MYO15A: variants seen among roughly 807,000 people sequenced by gnomAD.
MYO15A encodes the protein myosin XVA, also known as unconventional myosin-XV.
A neutral mutation model predicts 394.6 loss-of-function variants in MYO15A; 308 were observed. That is an observed-to-expected ratio of 0.78 (90% CI 0.71 to 0.86). MYO15A has a LOEUF of 0.86. MYO15A is among the 40% of genes least tolerant of loss of function. The pLI is 0.00. For synonymous variants in MYO15A, 1,957 were observed against 2,003.8 expected, an observed-to-expected ratio of 0.98 and a Z score of 0.62; for missense variants, 4,606 against 4,799.1, an observed-to-expected ratio of 0.96 and a Z score of 1.19.
At chr17:18,144,689 AC>A (rs2046445371) in intron 29 of MYO15A, 97 bp downstream of exon 29, 3 of 1,146,226 alleles carry the variant, frequency 2.6e-6, no homozygotes, top group Non-Finnish European at 3.9e-6. Context: ...CCCAAGCCCA[AC>A]CCATGAGCCC....
rs1424762275 is a variant in MYO15A, at chr17:18,121,094, C to G, written c.2294C>G (p.Ser765Trp). 1 of 1,502,926 alleles carries G rather than the reference C, an allele frequency of 6.7e-7. No individual in the cohort carries two copies. The highest frequency in any genetic ancestry group is 2.7e-5 in the East Asian group (1 of 37,560). 93.1% of individuals were successfully genotyped at this position (1,502,926 alleles called of 1,614,324 possible). A position where few individuals can be genotyped will look rare whatever the true frequency, so the allele number is the denominator to read the frequency against. ...FGFPGASPRA[S>W]RRRAWSPLAS... ...TTCCCCGGGGCCTCTCCACGGGCGT[C>G]GCGGAGGCGAGCTTGGTCACCGCTG... The change falls in exon 2 of 66, where the codon TCG becomes TGG. Residue 765 changes from serine to tryptophan, a missense_variant. Physicochemically the swap from Ser to Trp is radical, Grantham distance 177. Transcript: ENST00000647165. The surrounding 1 kb of genome is among the most constrained non-coding windows in gnomAD (Gnocchi z 5.3).
In MYO15A at chr17:18,127,854, T is replaced by C. The variant is rs924544846; in HGVS notation, c.4032+689T>C. 3.4e-5 allele frequency among the ~76,000 whole-genome samples: 5 copies of C among 145,232 alleles called. No homozygotes were observed. The South Asian group carries it at 1.1e-3, about 31-fold the overall frequency. ...AAAAAGATATATATATATATATATA[T>C]ATATATACACTTATATAAGTAAATT... On this transcript the variant is annotated intron_variant, in intron 7 of 65. Transcript: ENST00000647165.
intron 62 of MYO15A, among the ~76,000 whole-genome samples, chr17:18,168,918 A>G (rs995101411): frequency 4.6e-5 from 7 of 151,318 alleles, no homozygotes; most frequent in African/African-American, 1.5e-4. Flanking sequence ...CCTGGCCAAC[A>G]TGGTGAAACC....
chr17:18,113,803 C>CAA (rs1425308698), intron 1 of MYO15A, among the ~76,000 whole-genome samples: 2 of 47,602 alleles, frequency 4.2e-5, no homozygotes, highest in African/African-American at 9.2e-5. Flanking sequence ...CCCTGACACA[C>CAA]ACACACACAC....
At chr17:18,141,485 AAG>A (rs2142338460) in intron 22 of MYO15A, among the ~76,000 whole-genome samples, 166 bp from the exon 23 acceptor site, 1 of 152,334 alleles carries the variant, frequency 6.6e-6, no homozygotes, top group Admixed American at 6.5e-5. Context: ...CCCAGAAGTA[AAG>A]AGTCTTGAGG....
At chr17:18,152,966 T>C (rs2046608690) in intron 42 of MYO15A, among the ~76,000 whole-genome samples, 1 of 152,206 alleles carries the variant, frequency 6.6e-6, no homozygotes, top group Non-Finnish European at 1.5e-5. Flanking sequence ...CCTGCTTTAC[T>C]GCCACCCCAG....
chr17:18,119,996 A>G lies in MYO15A; in HGVS notation c.1196A>G (p.Tyr399Cys), dbSNP rs368682932. Residue 399 changes from tyrosine to cysteine, a missense_variant, in exon 2 of 66, where the codon TAT (tyrosine) becomes TGT (cysteine). This residue lies in a region of MYO15A where 1,830 missense variants were observed against 1,689.7 expected (regional missense o/e 1.08). Coordinates refer to ENST00000647165, the MANE Select transcript of MYO15A (RefSeq NM_016239.4). ...DEAIYPPEVP[Y>C]FYPEESASAF... ...GCCATCTACCCCCCCGAGGTGCCCT[A>G]TTTTTACCCGGAGGAGTCGGCTTCG... The G allele has an allele frequency of 5.6e-5, 90 of 1,613,436 alleles. No homozygotes were observed. The African/African-American group carries it at 8.8e-4, about 16-fold the overall frequency.
rs1461525026 is a variant in MYO15A at position 18,163,245 on chromosome 17, C to T, written c.9614C>T (p.Ala3205Val). The T allele has an allele frequency of 6.2e-7, 1 of 1,614,050 alleles. No individual in the cohort carries two copies. The highest frequency in any genetic ancestry group is 8.5e-7 in the Non-Finnish European group (1 of 1,180,012). The change falls in exon 59 of 66, where the codon GCA becomes GTA. Residue 3205 changes from alanine to valine, a missense_variant and splice_region_variant. Physicochemically the swap from Ala to Val is moderately conservative, Grantham distance 64. This residue lies in a region of MYO15A where 2,776 missense variants were observed against 3,109.3 expected (regional missense o/e 0.89). Transcript: ENST00000647165. ...CCCTCTCCCACCTATCTACCCCAGG[C>T]AGGCCGCAGTTCCAAGAGGCAACTC... ...PSSIELRAML[A>V]GRSSKRQLFL...
At position 18,159,957 on chromosome 17, in the gene MYO15A, T is replaced by G. The variant is rs770130655; in HGVS notation, c.9326T>G (p.Met3109Arg). The G allele has an allele frequency of 1.2e-6, 2 of 1,614,124 alleles. No homozygotes were observed. The highest frequency in any genetic ancestry group is 1.7e-6 in the Non-Finnish European group (2 of 1,180,004). Residue 3109 changes from methionine to arginine, a missense_variant, in exon 56 of 66, where the codon ATG becomes AGG. Physicochemically the swap from Met to Arg is moderately conservative, Grantham distance 91 (BLOSUM62 -1). Transcript: ENST00000647165. ...LLKLCGDHEV[M>R]RDECYCQVVK... is the part of the protein sequence containing the mutation. ...CAGCTGTGCGGGGACCATGAGGTCA[T>G]GCGGGATGAATGTTACTGCCAAGTT... is the stretch of plus-strand genomic sequence containing the variant.
chr17:18,174,603 C>T (rs1021034843), intron 65 of MYO15A, among the ~76,000 whole-genome samples: 4 of 152,294 alleles, frequency 2.6e-5, no homozygotes, highest in African/African-American at 9.6e-5. Flanking sequence ...AAGTGAGACC[C>T]CATCTCTAAA....
chr17:18,122,428 C>T lies in MYO15A; in HGVS notation c.3609+19C>T, dbSNP rs577190524. On this transcript the variant is annotated intron_variant, in intron 2 of 65. Transcript: ENST00000647165. Reference sequence around the variant, plus strand: ...GAACAAGGTATGGAGGCACAGATTACACGGAGGGTTTGAGGGTTCTGGCCT... The same window carrying T: ...GAACAAGGTATGGAGGCACAGATTATACGGAGGGTTTGAGGGTTCTGGCCT... 1.1e-5 allele frequency: 17 copies of T among 1,609,092 alleles called. No homozygotes were observed. Among genetic ancestry groups the T allele is most frequent in the Non-Finnish European group, 1.4e-5 (17 of 1,178,358 alleles).
intron 23 of MYO15A, 32 bp downstream of exon 23, chr17:18,141,802 AC>A: frequency 6.2e-7 from 1 of 1,607,130 alleles, no homozygotes; most frequent in Non-Finnish European, 8.5e-7. Context: ...GCCCTTGGAG[AC>A]CCCAAGTTTG....
At position 18,119,471 on chromosome 17, in the gene MYO15A, A is replaced by G. The variant is rs779508600; in HGVS notation, c.671A>G (p.Tyr224Cys). Residue 224 changes from tyrosine to cysteine, a missense_variant, in exon 2 of 66, where the codon TAC becomes TGC. Physicochemically the swap from Tyr to Cys is radical, Grantham distance 194. Around this residue, in one of 2 missense-constraint regions of MYO15A, gnomAD observed 1,830 missense variants for 1,689.7 expected, o/e 1.08. Coordinates refer to ENST00000647165, the MANE Select transcript of MYO15A (RefSeq NM_016239.4). ...FHHSGSRKSL[Y>C]GLEGFQDLGE... Reference sequence around the variant, plus strand: ...CACTCGGGCTCCCGCAAGTCGCTGTACGGGCTTGAGGGCTTCCAGGACCTG... The same window carrying G: ...CACTCGGGCTCCCGCAAGTCGCTGTGCGGGCTTGAGGGCTTCCAGGACCTG... 81 of 1,612,596 alleles carry G rather than the reference A, an allele frequency of 5.0e-5. 1 individual carries two copies. In the East Asian group the frequency reaches 1.8e-3, roughly 36 times the overall value.
At chr17:18,130,364 G>A (rs1412505627) in intron 7 of MYO15A, among the ~76,000 whole-genome samples, 1 of 151,828 alleles carries the variant, frequency 6.6e-6, no homozygotes, top group East Asian at 1.9e-4. Flanking sequence ...TGGGGCTGAG[G>A]GCTACTGGAG....
Position 18,133,242 on chromosome 17 carries a change from A to G in MYO15A, c.4338A>G (p.Ile1446Met), listed in dbSNP as rs751234900. The G allele has an allele frequency of 1.2e-6, 2 of 1,614,156 alleles. No homozygotes were observed. The highest frequency in any genetic ancestry group is 4.5e-5 in the East Asian group (2 of 44,868). ...TCATGCAGGGTGGGAACTGTGAGAT[A>G]GCAGGAAAGAGCGATGCAGATGACT... ...YYLNQGGNCE[I>M]AGKSDADDFR... The change falls in exon 12 of 66, where the codon ATA becomes ATG. Residue 1446 changes from isoleucine (I) to methionine (M), a missense_variant. Transcript: ENST00000647165.
chr17:18,140,415 C>T, intron 19 of MYO15A, 102 bp from the exon 20 acceptor site: 2 of 1,518,330 alleles, frequency 1.3e-6, no homozygotes, highest in East Asian at 2.3e-5. Flanking sequence ...AGTTAGTCTT[C>T]AGATCCCCCT....
At position 18,142,744 on chromosome 17, in the gene MYO15A, A is replaced by C. The variant is rs854778; in HGVS notation, c.5826-12A>C. On this transcript the variant is annotated splice_polypyrimidine_tract_variant and intron_variant, in intron 24 of 65. Coordinates refer to ENST00000647165, the MANE Select transcript of MYO15A (RefSeq NM_016239.4). The stretch of plus-strand genomic sequence containing the variant: ...GGCCCCAATCCCTGACCTCCCCACT[A>C]CCCCAACCCAGGCAACGCTATCAGC... 0.73 allele frequency: 1,182,077 copies of C among 1,610,714 alleles called. 436,547 individuals are homozygous for C. The highest frequency in any genetic ancestry group is 0.81 in the African/African-American group (60,255 of 74,790).
intron 42 of MYO15A, 56 bp downstream of exon 42, chr17:18,152,240 T>G: frequency 6.6e-7 from 1 of 1,506,850 alleles, no homozygotes. Context: ...AGGAAGTCTG[T>G]GGGCACAGGT....
Position 18,148,433 on chromosome 17 carries a change from G to A in MYO15A, c.6692-63G>A. ...GAAGCCTGAAAGGAAGAAGCAAGCA[G>A]GGAGGCACAGCCAAACTGGACTCAG... On this transcript the variant is annotated intron_variant, in intron 31 of 65. Transcript: ENST00000647165. This position sits in a 1 kb window ranked among gnomAD's most constrained non-coding sequence, Gnocchi z 4.8. 1 of 1,538,850 alleles carries A rather than the reference G, an allele frequency of 6.5e-7. No individual in the cohort carries two copies. Among genetic ancestry groups the A allele is most frequent in the Non-Finnish European group, 8.8e-7 (1 of 1,136,690 alleles).
Sources: gnomAD v4.1 joint callset for allele counts (sites outside exome capture counted in the v4.1 genomes callset) on GRCh38, gnomAD v4.1.1 for gene constraint, gnomAD v4.1.1 regional missense constraint, Gnocchi (gnomAD v3.1) non-coding constraint, MANE v1.5 for transcripts, NCBI Gene and HGNC (gene_info 2026-07-23, HGNC 2026-07-21) for gene names.